The following PTPRD variants were observed in gnomAD, a reference collection of about 807,000 sequenced individuals.
PTPRD encodes the protein protein tyrosine phosphatase receptor type D, also known as receptor-type tyrosine-protein phosphatase delta.
Under a neutral mutation model 214.5 loss-of-function variants are expected in PTPRD, and 34 were observed. The observed-to-expected ratio is 0.16, with a 90% CI of 0.12 to 0.21. PTPRD has a LOEUF of 0.21. Ranked by LOEUF, PTPRD falls within the 10% of genes least tolerant of loss-of-function variation. PTPRD has a pLI of 1.00. For synonymous variants in PTPRD, 1,128 were observed against 845.7 expected, an observed-to-expected ratio of 1.33 and a Z score of -5.79; for missense variants, 2,545 against 2,398.7, an observed-to-expected ratio of 1.06 and a Z score of -1.27.
At chr9:9,142,294 G>T (rs1162276181) in intron 10 of PTPRD, among the ~76,000 whole-genome samples, 10 of 152,188 alleles carry the variant, frequency 6.6e-5, no homozygotes, top group Admixed American at 6.5e-4. Context: ...AGGACCACCA[G>T]GATGACTGGC....
chr9:9,899,105 A>T (rs937052420), intron 5 of PTPRD, among the ~76,000 whole-genome samples: 2 of 152,144 alleles, frequency 1.3e-5, no homozygotes, highest in East Asian at 3.9e-4. Context: ...GCAATGAACA[A>T]TTAGAATTGT....
chr9:10,439,699 CTGTT>C lies in PTPRD; in HGVS notation c.-599-98686_-599-98683del, dbSNP rs2098746639. On this transcript the variant is annotated intron_variant, in intron 2 of 45. Transcript: ENST00000381196. The stretch of plus-strand genomic sequence containing the variant: ...AAAATAAAAATAAGAAAGACACAGA[CTGTT>C]TGGAATTTTCCACAATTATTTTTCC... Among the ~76,000 whole-genome samples, 7 of 151,882 alleles carry C rather than the reference CTGTT, an allele frequency of 4.6e-5. No homozygotes were observed. The South Asian group carries it at 1.2e-3, about 27-fold the overall frequency.
intron 3 of PTPRD, among the ~76,000 whole-genome samples, chr9:10,315,847 C>T (rs1596888703): frequency 6.6e-6 from 1 of 151,866 alleles, no homozygotes; most frequent in Non-Finnish European, 1.5e-5. Flanking sequence ...TAGTTGGTGG[C>T]TTATGCCATT....
intron 3 of PTPRD, among the ~76,000 whole-genome samples, chr9:10,072,634 C>A (rs1259649396): frequency 1.3e-5 from 2 of 152,066 alleles, no homozygotes; most frequent in Non-Finnish European, 2.9e-5. Flanking sequence ...TCCAATCCTC[C>A]CTGCAATTGA....
intron 10 of PTPRD, among the ~76,000 whole-genome samples, chr9:9,116,946 G>T (rs2154459454): frequency 6.6e-6 from 1 of 152,156 alleles, no homozygotes; most frequent in African/African-American, 2.4e-5. Context: ...CCATAGTATG[G>T]ATACATATTT....
intron 10 of PTPRD, among the ~76,000 whole-genome samples, chr9:9,154,071 C>A (rs2099879147): frequency 6.6e-6 from 1 of 152,070 alleles, no homozygotes; most frequent in South Asian, 2.1e-4. Context: ...TTTTGTGGTG[C>A]TTGATTTGTC....
chr9:10,447,203 T>C (rs2098806272), intron 2 of PTPRD, among the ~76,000 whole-genome samples: 1 of 150,498 alleles, frequency 6.6e-6, no homozygotes, highest in South Asian at 2.1e-4. Context: ...GGAGATCCAT[T>C]TCAGCCTGCG....
chr9:10,016,947 G>A lies in PTPRD; in HGVS notation c.-472+16771C>T, dbSNP rs2096730542. On this transcript the variant is annotated intron_variant, in intron 4 of 45. Coordinates refer to ENST00000381196, the MANE Select transcript of PTPRD (RefSeq NM_002839.4). ...CCCAAAGTGCTGGGATTACAGGAGTGAGCCATTGTGCCCTCCTATTGTACA... is the reference window on the plus strand; with the variant it reads ...CCCAAAGTGCTGGGATTACAGGAGTAAGCCATTGTGCCCTCCTATTGTACA... Among the ~76,000 whole-genome samples the A allele has an allele frequency of 2.6e-5, 4 of 152,168 alleles. No homozygotes were observed. The East Asian group carries it at 7.7e-4, about 29-fold the overall frequency.
intron 11 of PTPRD, among the ~76,000 whole-genome samples, chr9:8,934,492 TAAATATATATATAA>T (rs2098981155): frequency 2.4e-4 from 2 of 8,194 alleles, no homozygotes; most frequent in Admixed American, 2.2e-3. Context: ...TATATATATA[TAAATATATATATAA>T]ATATATATAT....
intron 14 of PTPRD, among the ~76,000 whole-genome samples, chr9:8,533,749 T>C (rs1295865828): frequency 1.3e-5 from 2 of 152,034 alleles, no homozygotes; most frequent in Admixed American, 6.6e-5. Context: ...AGCTATTTGT[T>C]ACTTTCTTCG....
At chr9:8,456,145 G>C (rs2133906291) in intron 33 of PTPRD, among the ~76,000 whole-genome samples, 1 of 152,242 alleles carries the variant, frequency 6.6e-6, no homozygotes, top group Non-Finnish European at 1.5e-5. Flanking sequence ...TTGTGTGCCA[G>C]GCACTCTACT....
At chr9:9,200,160 A>C (rs1460380339) in intron 9 of PTPRD, among the ~76,000 whole-genome samples, 2 of 152,246 alleles carry the variant, frequency 1.3e-5, no homozygotes, top group Non-Finnish European at 2.9e-5. Context: ...TGAGCAAGCC[A>C]GCTTGGCAAA....
At chr9:9,914,172 C>A (rs1355028732) in intron 5 of PTPRD, among the ~76,000 whole-genome samples, 1 of 152,178 alleles carries the variant, frequency 6.6e-6, no homozygotes, top group African/African-American at 2.4e-5. Context: ...AGGTTCTGAG[C>A]AGCTAATACA....
chr9:10,261,131 C>G (rs1411385005), intron 3 of PTPRD, among the ~76,000 whole-genome samples: 2 of 148,802 alleles, frequency 1.3e-5, no homozygotes, highest in East Asian at 2.0e-4. Flanking sequence ...AAACTACAAG[C>G]CTTTGTTATT....
intron 8 of PTPRD, among the ~76,000 whole-genome samples, chr9:9,465,828 A>G (rs1389106736): frequency 6.6e-6 from 1 of 151,886 alleles, no homozygotes; most frequent in Non-Finnish European, 1.5e-5. Context: ...ATCAAGACAG[A>G]ATGCTATTGG....
At chr9:8,865,660 C>T (rs574193814) in intron 11 of PTPRD, among the ~76,000 whole-genome samples, 1 of 152,152 alleles carries the variant, frequency 6.6e-6, no homozygotes, top group South Asian at 2.1e-4. Context: ...ACCACCAAGC[C>T]CAGAACCTGC....
chr9:10,348,155 C>G (rs898307729), intron 2 of PTPRD, among the ~76,000 whole-genome samples: 6 of 152,072 alleles, frequency 3.9e-5, no homozygotes, highest in Non-Finnish European at 7.4e-5. Context: ...ATATTTGTAC[C>G]CATTAATCAA....
At chr9:9,616,480 A>G (rs1001553888) in intron 7 of PTPRD, among the ~76,000 whole-genome samples, 1 of 152,184 alleles carries the variant, frequency 6.6e-6, no homozygotes, top group Non-Finnish European at 1.5e-5. Flanking sequence ...TTCAAGTTCA[A>G]ATACATAAGG....
At chr9:9,948,255 C>T (rs1343715356) in intron 4 of PTPRD, among the ~76,000 whole-genome samples, 2 of 152,024 alleles carry the variant, frequency 1.3e-5, no homozygotes, top group Non-Finnish European at 1.5e-5. Flanking sequence ...AACTGCACTG[C>T]CATTCTCTAT....
Sources: allele counts gnomAD v4.1 joint callset (sites outside exome capture counted in the v4.1 genomes callset), GRCh38; gene constraint gnomAD v4.1.1; transcripts MANE v1.5; gene names NCBI Gene and HGNC (gene_info 2026-07-23, HGNC 2026-07-21).